The following PTDSS1 variants were observed in gnomAD, a reference collection of about 807,000 sequenced individuals.
The protein encoded by PTDSS1 is phosphatidylserine synthase 1.
PTDSS1 carries 45 observed loss-of-function variants against 70.5 expected under a neutral mutation model. The ratio of observed to expected loss-of-function variants is 0.64; its 90% CI spans 0.50 to 0.82. PTDSS1 has a LOEUF of 0.82. Among genes scored for constraint, PTDSS1 ranks in the 40% least tolerant of loss-of-function variants. The pLI is 0.00. For missense variants in PTDSS1, 417 were observed against 586.1 expected, an observed-to-expected ratio of 0.71 and a Z score of 2.98; for synonymous variants, 188 against 203.8, an observed-to-expected ratio of 0.92 and a Z score of 0.66.
intron 1 of PTDSS1, among the ~76,000 whole-genome samples, chr8:96,271,282 A>G (rs1810562573): frequency 6.6e-6 from 1 of 152,214 alleles, no homozygotes; most frequent in Non-Finnish European, 1.5e-5. Flanking sequence ...TTTTGCACAA[A>G]TAGTTGCTTA....
chr8:96,273,930 C>T (rs1810603213), intron 2 of PTDSS1, among the ~76,000 whole-genome samples: 1 of 152,060 alleles, frequency 6.6e-6, no homozygotes. Context: ...TGAATTTTAC[C>T]CCCATCATGA....
intron 8 of PTDSS1, among the ~76,000 whole-genome samples, chr8:96,306,875 C>T (rs1009264482): frequency 1.1e-4 from 17 of 152,128 alleles, no homozygotes; most frequent in Non-Finnish European, 2.4e-4. Flanking sequence ...CATAGTGATG[C>T]TGAGTTTTTT....
At chr8:96,295,782 GAACT>G (rs928129014) in intron 5 of PTDSS1, among the ~76,000 whole-genome samples, 68 of 152,280 alleles carry the variant, frequency 4.5e-4, no homozygotes, top group African/African-American at 1.6e-3. Context: ...GAAATTTTGG[GAACT>G]AACTCATTAT....
At chr8:96,314,470 C>T (rs1020090712) in intron 9 of PTDSS1, among the ~76,000 whole-genome samples, 3 of 152,174 alleles carry the variant, frequency 2.0e-5, no homozygotes, top group Admixed American at 6.5e-5. Context: ...GAGTCACCGC[C>T]GTCCTGCTGG....
chr8:96,318,378 A>G (rs1472357418), intron 9 of PTDSS1, among the ~76,000 whole-genome samples: 1 of 152,074 alleles, frequency 6.6e-6, no homozygotes, highest in Non-Finnish European at 1.5e-5. Context: ...AATCTTTCAT[A>G]ATAAACTCAG....
chr8:96,272,151 A>AT (rs577124177), intron 1 of PTDSS1, among the ~76,000 whole-genome samples: 1 of 151,764 alleles, frequency 6.6e-6, no homozygotes, highest in Admixed American at 6.6e-5. Context: ...TGAGTTATAA[A>AT]TTTTTTTCCC....
intron 10 of PTDSS1, among the ~76,000 whole-genome samples, chr8:96,322,014 A>G (rs1811378739): frequency 6.6e-6 from 1 of 152,270 alleles, no homozygotes. Flanking sequence ...GAATTGTAAT[A>G]GGACCTGACT....
chr8:96,321,537 G>T (rs1277443205), intron 10 of PTDSS1, among the ~76,000 whole-genome samples: 1 of 152,100 alleles, frequency 6.6e-6, no homozygotes, highest in Non-Finnish European at 1.5e-5. Context: ...CAGCCCTTTT[G>T]TCCTATAGAT....
At chr8:96,313,437 G>C (rs1811240634) in intron 9 of PTDSS1, among the ~76,000 whole-genome samples, 1 of 152,184 alleles carries the variant, frequency 6.6e-6, no homozygotes, top group South Asian at 2.1e-4. Flanking sequence ...AAATTCTCCA[G>C]GTGTGGGGTT....
At chr8:96,301,108 T>C (rs1195160585) in intron 6 of PTDSS1, among the ~76,000 whole-genome samples, 1 of 152,202 alleles carries the variant, frequency 6.6e-6, no homozygotes, top group African/African-American at 2.4e-5. Context: ...GTGACTTTAT[T>C]TTCCATTTTG....
At chr8:96,265,435 G>A (rs958769759) in intron 1 of PTDSS1, among the ~76,000 whole-genome samples, 39 of 152,014 alleles carry the variant, frequency 2.6e-4, no homozygotes, top group African/African-American at 9.2e-4. Flanking sequence ...ATGGCCCTTA[G>A]GTCAATTCCC....
intron 6 of PTDSS1, among the ~76,000 whole-genome samples, chr8:96,301,389 C>G (rs1811048584): frequency 6.6e-6 from 1 of 152,112 alleles, no homozygotes; most frequent in Non-Finnish European, 1.5e-5. Context: ...GCCACTGTGC[C>G]CAGCCTGTCA....
chr8:96,328,773 A>C (rs951490298), intron 10 of PTDSS1, among the ~76,000 whole-genome samples: 1 of 152,246 alleles, frequency 6.6e-6, no homozygotes, highest in Non-Finnish European at 1.5e-5. Context: ...GCAAGCTGCC[A>C]TGATGAGAAT....
intron 10 of PTDSS1, among the ~76,000 whole-genome samples, chr8:96,322,386 C>A (rs756557456): frequency 6.6e-6 from 1 of 152,116 alleles, no homozygotes; most frequent in Admixed American, 6.5e-5. Context: ...GCAAGGGTCA[C>A]CCCATGATGG....
rs1810411568 is a variant in PTDSS1 at position 96,262,069 on chromosome 8, T to A, written c.29T>A (p.Leu10Gln). Reference protein sequence around the residue: MASCVGSRTLSKDDVNYKMH... With the variant: MASCVGSRTQSKDDVNYKMH... ...GCGTCCTGCGTGGGGAGCCGGACCC[T>A]AAGCAAGGATGATGTGAACTACAAA... Residue 10 changes from leucine to glutamine, a missense_variant, in exon 1 of 13, where the codon CTA (leucine) becomes CAA (glutamine). By Grantham distance (113) the Leu-to-Gln change is moderately radical. Coordinates refer to ENST00000517309, the MANE Select transcript of PTDSS1 (RefSeq NM_014754.3). This position sits in a 1 kb window ranked among gnomAD's most constrained non-coding sequence, Gnocchi z 4.4. The A allele has an allele frequency of 1.9e-6, 3 of 1,613,494 alleles. No individual in the cohort carries two copies. The highest frequency in any genetic ancestry group is 2.7e-5 in the African/African-American group (2 of 74,868).
At chr8:96,309,728 A>G (rs1202888335) in intron 9 of PTDSS1, 106 bp downstream of exon 9, 45 of 1,012,954 alleles carry the variant, frequency 4.4e-5, no homozygotes, top group Non-Finnish European at 5.6e-5. Context: ...TTTTTCTATG[A>G]AGACAGGTGG....
chr8:96,297,448 T>G (rs6468497), intron 5 of PTDSS1, among the ~76,000 whole-genome samples: 83,792 of 152,028 alleles, frequency 0.55, 25,932 homozygotes, highest in African/African-American at 0.85. Flanking sequence ...AAAGTGCTGA[T>G]ATTACAGGTG....
At chr8:96,317,173 C>T (rs964752187) in intron 9 of PTDSS1, among the ~76,000 whole-genome samples, 2 of 151,926 alleles carry the variant, frequency 1.3e-5, no homozygotes, top group Non-Finnish European at 2.9e-5. Context: ...GCCAAGCCTA[C>T]GGGTGGCCTT....
At chr8:96,312,121 G>A (rs1372899991) in intron 9 of PTDSS1, among the ~76,000 whole-genome samples, 1 of 152,130 alleles carries the variant, frequency 6.6e-6, no homozygotes, top group Non-Finnish European at 1.5e-5. Flanking sequence ...TTTCTAATTG[G>A]ACAGCCATGA....
Sources: gnomAD v4.1 joint callset for allele counts (sites outside exome capture counted in the v4.1 genomes callset) on GRCh38, gnomAD v4.1.1 for gene constraint, Gnocchi (gnomAD v3.1) non-coding constraint, MANE v1.5 for transcripts, NCBI Gene and HGNC (gene_info 2026-07-23, HGNC 2026-07-21) for gene names.